SLC5A8: variants seen among roughly 807,000 people sequenced by gnomAD.
The protein encoded by SLC5A8 is sodium-coupled monocarboxylate transporter 1.
In SLC5A8, 55 loss-of-function variants were observed where a neutral mutation model predicts 71.9. That is an observed-to-expected ratio of 0.77 (90% confidence interval 0.62 to 0.96). SLC5A8 has a LOEUF of 0.96. Ranked by LOEUF, SLC5A8 falls within the 40% of genes least tolerant of loss-of-function variation. The pLI is 0.00. For missense variants in SLC5A8, 701 were observed against 745.3 expected (o/e 0.94, Z 0.69); for synonymous variants, 307 against 276.1 (o/e 1.11, Z -1.11).
At position 101,195,139 on chromosome 12, in the gene SLC5A8, C is replaced by A; in HGVS notation, c.493G>T (p.Ala165Ser). ...CAGACCACCCCCGTTGCCACTACCG[C>A]GCCCCACAGATCAAATCCTGTGACT... is the stretch of plus-strand genomic sequence containing the variant. ...NQVTGFDLWG[A>S]VVATGVVCTF... The change falls in exon 4 of 15, where the codon GCG (alanine) becomes TCG (serine). Residue 165 changes from alanine to serine, a missense_variant. By Grantham distance (99) the Ala-to-Ser change is moderately conservative. Transcript: ENST00000536262. 6.2e-7 allele frequency: 1 copy of A among 1,614,056 alleles called. No homozygotes were observed. The highest frequency in any genetic ancestry group is 1.3e-5 in the African/African-American group (1 of 75,004).
chr12:101,196,937 C>T (rs1272722847), intron 3 of SLC5A8, among the ~76,000 whole-genome samples: 5 of 152,190 alleles, frequency 3.3e-5, no homozygotes, highest in African/African-American at 9.7e-5. Flanking sequence ...AGCTCCCCCA[C>T]CCCGCAAGTG....
chr12:101,208,543 C>A (rs1460701379), intron 1 of SLC5A8, among the ~76,000 whole-genome samples: 2 of 152,176 alleles, frequency 1.3e-5, no homozygotes, highest in African/African-American at 2.4e-5. Flanking sequence ...CCCCCACCTC[C>A]CATTCAACAG....
rs372186123 is a variant in SLC5A8, at chr12:101,158,550, GTC to G, written c.1631-224_1631-223del. On this transcript the variant is annotated intron_variant, in intron 13 of 14. Transcript: ENST00000536262. ...AAGCCTCTCACTATAATAAATATGA[GTC>G]TCTCTCTCTCTCTCTCTCTCTCTCT... 9.1e-3 allele frequency among the ~76,000 whole-genome samples: 440 copies of G among 48,292 alleles called. 3 individuals carry two copies. Among genetic ancestry groups the G allele is most frequent in the Non-Finnish European group, 0.011 (261 of 22,864 alleles). The allele number at this position is 48,292 out of a possible 152,430, so 31.7% of individuals were successfully genotyped here. A position where few individuals can be genotyped will look rare whatever the true frequency, so the allele number is the denominator to read the frequency against.
At chr12:101,196,518 C>G (rs1268506750) in intron 3 of SLC5A8, among the ~76,000 whole-genome samples, 1 of 151,748 alleles carries the variant, frequency 6.6e-6, no homozygotes, top group Non-Finnish European at 1.5e-5. Flanking sequence ...CACTTTGGAA[C>G]ACATAAATAT....
rs531803099 is a variant in SLC5A8 at position 101,168,135 on chromosome 12, C to A, written c.1281G>T (p.Leu427=). 1 of 1,610,254 alleles carries A rather than the reference C, an allele frequency of 6.2e-7. No individual in the cohort carries two copies. The highest frequency in any genetic ancestry group is 1.3e-5 in the African/African-American group (1 of 74,896). ...FGMVGGPLMG[L]FALGILVPFA... ...AGGGAACCAAAATGCCCAAAGCGAA[C>A]AGGCCCATAAGTGGTCCACCAACCA... Residue 427 remains leucine, a synonymous_variant, in exon 11 of 15, where the codon CTG becomes CTT. Transcript: ENST00000536262.
chr12:101,193,198 C>G (rs996841563), intron 5 of SLC5A8, among the ~76,000 whole-genome samples: 2 of 152,104 alleles, frequency 1.3e-5, no homozygotes, highest in African/African-American at 4.8e-5. Context: ...GTCTCGAACT[C>G]CTGGCCTCAG....
chr12:101,173,566 G>C (rs1374283426), intron 10 of SLC5A8, among the ~76,000 whole-genome samples: 2 of 152,218 alleles, frequency 1.3e-5, no homozygotes, highest in Admixed American at 1.3e-4. Flanking sequence ...TTGCCTATGG[G>C]CTGCTGCCAG....
intron 12 of SLC5A8, among the ~76,000 whole-genome samples, chr12:101,163,513 T>C (rs745588391): frequency 6.6e-6 from 1 of 152,108 alleles, no homozygotes; most frequent in Admixed American, 6.6e-5. Flanking sequence ...ACCCCATCTC[T>C]ACTAAAGATA....
At chr12:101,158,475 T>C (rs2051688582) in intron 13 of SLC5A8, 147 bp from the exon 14 acceptor site, 8 of 565,138 alleles carry the variant, frequency 1.4e-5, no homozygotes, top group Non-Finnish European at 2.4e-5. Context: ...TTAAAAGCAC[T>C]GATCACTTAG....
chr12:101,168,789 G>T (rs565968274), intron 10 of SLC5A8, among the ~76,000 whole-genome samples: 1 of 152,146 alleles, frequency 6.6e-6, no homozygotes, highest in Non-Finnish European at 1.5e-5. Flanking sequence ...TGCAAACATC[G>T]CATGAGGCAA....
At position 101,204,532 on chromosome 12, in the gene SLC5A8, G is replaced by A; in HGVS notation, c.385C>T (p.Leu129Phe). Residue 129 changes from leucine to phenylalanine, a missense_variant, in exon 2 of 15, where the codon CTC (leucine) becomes TTC (phenylalanine). Transcript: ENST00000536262. ...LELRFNKCVR[L>F]CGTVLFIVQT... is the part of the protein sequence containing the mutation. ...ACAATGAAGAGGACTGTTCCACAGA[G>A]ACGAACACATTTGTTAAATCGAAGT... The A allele has an allele frequency of 6.2e-7, 1 of 1,600,938 alleles. No homozygotes were observed. Among genetic ancestry groups the A allele is most frequent in the African/African-American group, 1.3e-5 (1 of 74,166 alleles).
rs544485480 is a variant in SLC5A8, at chr12:101,163,640, C to T, written c.1527-1563G>A. ...TTGCATTGAACTCGAGCCTGGGCAA[C>T]AGACTGAGACTCCGTCTCAAACAAA... On this transcript the variant is annotated intron_variant, in intron 12 of 14. Coordinates refer to ENST00000536262, the MANE Select transcript of SLC5A8 (RefSeq NM_145913.5). Among the ~76,000 whole-genome samples the T allele has an allele frequency of 4.1e-4, 63 of 152,292 alleles. 1 individual carries two copies. The South Asian group carries it at 6.0e-3, about 15-fold the overall frequency.
chr12:101,204,173 C>A (rs887011277), intron 2 of SLC5A8, among the ~76,000 whole-genome samples: 1 of 152,188 alleles, frequency 6.6e-6, no homozygotes, highest in Non-Finnish European at 1.5e-5. Flanking sequence ...CAACAAATAT[C>A]TTTGTCATGT....
Position 101,209,483 on chromosome 12 carries a change from C to T in SLC5A8, c.351+15G>A. 1 of 1,498,748 alleles carries T rather than the reference C, an allele frequency of 6.7e-7. No individual in the cohort carries two copies. Among genetic ancestry groups the T allele is most frequent in the Non-Finnish European group, 9.1e-7 (1 of 1,096,650 alleles). 92.8% of individuals were successfully genotyped at this position (1,498,748 alleles called of 1,614,324 possible). On this transcript the variant is annotated intron_variant, in intron 1 of 14. Transcript: ENST00000536262. Reference sequence around the variant, plus strand: ...CCCCGCGCCCTGCATGGTCCCAGCCCACCCTGCCCCTTACCTCGTAGGTGC... The same window carrying T: ...CCCCGCGCCCTGCATGGTCCCAGCCTACCCTGCCCCTTACCTCGTAGGTGC...
chr12:101,196,374 T>C (rs1869176342), intron 3 of SLC5A8, among the ~76,000 whole-genome samples: 1 of 152,170 alleles, frequency 6.6e-6, no homozygotes, highest in Non-Finnish European at 1.5e-5. Flanking sequence ...ATTGTGCTTG[T>C]TTCAGCAGTA....
At chr12:101,190,424 A>G (rs528400494) in intron 6 of SLC5A8, 44 bp downstream of exon 6, 8 of 1,584,388 alleles carry the variant, frequency 5.0e-6, no homozygotes, top group Non-Finnish European at 1.7e-6. Flanking sequence ...CATAAAGACA[A>G]CTGATGGTTA....
intron 3 of SLC5A8, among the ~76,000 whole-genome samples, chr12:101,201,211 C>T (rs1193696199): frequency 6.6e-6 from 1 of 152,138 alleles, no homozygotes; most frequent in Non-Finnish European, 1.5e-5. Flanking sequence ...TGAGATGATC[C>T]ACTTGTGATG....
intron 3 of SLC5A8, among the ~76,000 whole-genome samples, chr12:101,197,759 C>T (rs1173565744): frequency 1.3e-5 from 2 of 152,014 alleles, no homozygotes; most frequent in Non-Finnish European, 2.9e-5. Context: ...TTTTAGCATC[C>T]TTCTCTCAGC....
chr12:101,208,180 G>T (rs917128029), intron 1 of SLC5A8, among the ~76,000 whole-genome samples: 2 of 152,082 alleles, frequency 1.3e-5, no homozygotes, highest in Non-Finnish European at 2.9e-5. Context: ...CTGAGAAACT[G>T]CATCCTGCTC....
Sources: allele counts gnomAD v4.1 joint callset (sites outside exome capture counted in the v4.1 genomes callset), GRCh38; gene constraint gnomAD v4.1.1; transcripts MANE v1.5; gene names NCBI Gene and HGNC (gene_info 2026-07-23, HGNC 2026-07-21).